The following DOCK9 variants were observed in gnomAD, a reference collection of about 807,000 sequenced individuals.
DOCK9 encodes the protein dedicator of cytokinesis 9.
A neutral mutation model predicts 263.3 loss-of-function variants in DOCK9; 89 were observed. The observed-to-expected ratio is 0.34, with a 90% CI of 0.28 to 0.40. DOCK9 has a LOEUF of 0.40. DOCK9 is among the 10% of genes least tolerant of loss of function. DOCK9 has a pLI of 1.00. For synonymous variants in DOCK9, 976 were observed against 973.1 expected (o/e 1.00, Z -0.06); for missense variants, 2,140 against 2,603.4 (o/e 0.82, Z 3.87).
At chr13:98,879,237 C>A (rs1477841693) in intron 27 of DOCK9, among the ~76,000 whole-genome samples, 2 of 152,202 alleles carry the variant, frequency 1.3e-5, no homozygotes, top group African/African-American at 2.4e-5. Flanking sequence ...CAAGACCAGT[C>A]ATCTCAGGGC....
intron 2 of DOCK9, among the ~76,000 whole-genome samples, chr13:98,942,283 G>C (rs1437675208): frequency 6.8e-6 from 1 of 147,008 alleles, no homozygotes. Context: ...TGTCCCCCTA[G>C]GCTGGAGTAC....
chr13:98,885,201 A>G (rs2045492327), intron 20 of DOCK9, 109 bp from the exon 21 acceptor site: 1 of 1,439,500 alleles, frequency 6.9e-7, no homozygotes, highest in Non-Finnish European at 9.3e-7. Context: ...TTTCCTATCA[A>G]TTAGAGTAAG....
chr13:98,931,839 C>T (rs1287526666), intron 2 of DOCK9, among the ~76,000 whole-genome samples: 1 of 151,002 alleles, frequency 6.6e-6, no homozygotes, highest in Non-Finnish European at 1.5e-5. Flanking sequence ...CTCAAGCAAT[C>T]CACCTGCCTC....
At chr13:99,010,348 C>T (rs997510159) in intron 1 of DOCK9, among the ~76,000 whole-genome samples, 1 of 152,228 alleles carries the variant, frequency 6.6e-6, no homozygotes, top group African/African-American at 2.4e-5. Flanking sequence ...CCATCACAAA[C>T]TTGCCTAGAC....
chr13:99,081,886 T>C (rs1482880291), intron 1 of DOCK9, among the ~76,000 whole-genome samples: 1 of 152,186 alleles, frequency 6.6e-6, no homozygotes, highest in East Asian at 1.9e-4. Flanking sequence ...CCAAACATTA[T>C]AAATTACTTT....
intron 1 of DOCK9, among the ~76,000 whole-genome samples, chr13:98,962,153 C>T (rs1193139817): frequency 6.6e-6 from 1 of 152,054 alleles, no homozygotes; most frequent in Non-Finnish European, 1.5e-5. Flanking sequence ...AATGATAATA[C>T]AAAATCATGA....
At chr13:98,954,869 C>CACACACAA (rs1421653928) in intron 2 of DOCK9, among the ~76,000 whole-genome samples, 1 of 149,150 alleles carries the variant, frequency 6.7e-6, no homozygotes, top group Non-Finnish European at 1.5e-5. Context: ...AAGATACACA[C>CACACACAA]ACACACACAC....
intron 30 of DOCK9, among the ~76,000 whole-genome samples, chr13:98,864,691 T>G (rs1397537716): frequency 6.6e-6 from 1 of 152,210 alleles, no homozygotes; most frequent in African/African-American, 2.4e-5. Flanking sequence ...TGTATGAATG[T>G]GCATGAGAAA....
chr13:98,860,138 C>A, intron 33 of DOCK9: 21 of 1,249,954 alleles, frequency 1.7e-5, no homozygotes, highest in South Asian at 7.9e-5. Flanking sequence ...AAAATGAAAA[C>A]TCAACAAACG....
At chr13:99,009,882 A>C (rs1450616377) in intron 1 of DOCK9, among the ~76,000 whole-genome samples, 1 of 152,034 alleles carries the variant, frequency 6.6e-6, no homozygotes, top group Non-Finnish European at 1.5e-5. Flanking sequence ...GTTTGGGGAG[A>C]TTAAAGTGGT....
At chr13:98,826,714 A>G in intron 44 of DOCK9, 116 bp downstream of exon 44, 1 of 799,150 alleles carries the variant, frequency 1.3e-6, no homozygotes, top group Non-Finnish European at 2.0e-6. Context: ...CAACGAATAC[A>G]CTTCACAAAC....
At chr13:98,931,891 C>T (rs2054007889) in intron 2 of DOCK9, among the ~76,000 whole-genome samples, 1 of 151,122 alleles carries the variant, frequency 6.6e-6, no homozygotes, top group African/African-American at 2.4e-5. Flanking sequence ...AGCCACCACA[C>T]CCAGCCTTAT....
At chr13:98,888,061 GT>G in intron 18 of DOCK9, 96 bp downstream of exon 18, 1 of 764,620 alleles carries the variant, frequency 1.3e-6, no homozygotes, top group Admixed American at 2.9e-5. Flanking sequence ...CAATTAAAAT[GT>G]GCTAAACTGT....
At chr13:99,049,128 T>G (rs1317267562) in intron 1 of DOCK9, among the ~76,000 whole-genome samples, 1 of 152,254 alleles carries the variant, frequency 6.6e-6, no homozygotes, top group Non-Finnish European at 1.5e-5. Context: ...ATGACTACCC[T>G]TACTCAATTC....
intron 38 of DOCK9, among the ~76,000 whole-genome samples, chr13:98,843,842 G>C (rs1287835510): frequency 6.6e-6 from 1 of 152,178 alleles, no homozygotes; most frequent in Non-Finnish European, 1.5e-5. Flanking sequence ...ATTTGCAGTG[G>C]GAAGAGCTGC....
chr13:98,846,156 G>C (rs994702045), intron 37 of DOCK9, 96 bp from the exon 38 acceptor site: 6 of 1,403,168 alleles, frequency 4.3e-6, no homozygotes, highest in Non-Finnish European at 4.8e-6. Context: ...TGGCACGAGG[G>C]AGATGGCCAT....
At chr13:98,988,294 T>C (rs1250176616) in intron 1 of DOCK9, among the ~76,000 whole-genome samples, 1 of 152,204 alleles carries the variant, frequency 6.6e-6, no homozygotes. Context: ...AATGAAATAC[T>C]TAAATTTAAA....
intron 10 of DOCK9, among the ~76,000 whole-genome samples, 163 bp from the exon 11 acceptor site, chr13:98,903,275 G>C (rs959283253): frequency 6.6e-6 from 1 of 152,122 alleles, no homozygotes; most frequent in African/African-American, 2.4e-5. Context: ...GTTTATAGTA[G>C]TTACACACAT....
At chr13:98,958,695 A>G (rs1288237193) in intron 1 of DOCK9, among the ~76,000 whole-genome samples, 2 of 152,234 alleles carry the variant, frequency 1.3e-5, no homozygotes, top group African/African-American at 4.8e-5. Flanking sequence ...CCCCTAATAG[A>G]GTTAATCCCC....
Sources: allele counts gnomAD v4.1 joint callset (sites outside exome capture counted in the v4.1 genomes callset), GRCh38; gene constraint gnomAD v4.1.1; transcripts MANE v1.5; gene names NCBI Gene and HGNC (gene_info 2026-07-23, HGNC 2026-07-21).